The following HPSE2 variants were observed in gnomAD, a reference collection of about 807,000 sequenced individuals.
HPSE2 encodes the protein inactive heparanase-2.
A neutral mutation model predicts 60.5 loss-of-function variants in HPSE2; 38 were observed. The ratio of observed to expected loss-of-function variants is 0.63; its 90% CI spans 0.48 to 0.82. The LOEUF (loss-of-function observed/expected upper bound fraction) is 0.82. Ranked by LOEUF, HPSE2 falls within the 40% of genes least tolerant of loss-of-function variation. The pLI is 0.00. For synonymous variants in HPSE2, 295 were observed against 293.2 expected (o/e 1.01, Z -0.06); for missense variants, 713 against 740.4 (o/e 0.96, Z 0.43).
the HPSE2 span, among the ~76,000 whole-genome samples, chr10:99,311,080 C>T: frequency 6.6e-6 from 1 of 152,092 alleles, no homozygotes; most frequent in South Asian, 2.1e-4. Context: ...TCATAATTCT[C>T]TGATACAAAA....
At chr10:98,779,393 G>A (rs7081116) in intron 3 of HPSE2, among the ~76,000 whole-genome samples, 107,653 of 152,026 alleles carry the variant, frequency 0.71, 39,152 homozygotes, top group Non-Finnish European at 0.81. Flanking sequence ...CTAGAGAAAG[G>A]ACCCCTCCCA....
At chr10:99,194,576 C>T (rs1848329091) in intron 2 of HPSE2, among the ~76,000 whole-genome samples, 1 of 149,462 alleles carries the variant, frequency 6.7e-6, no homozygotes, top group Admixed American at 6.6e-5. Flanking sequence ...GAAGACATTA[C>T]AACTGATATT....
At chr10:98,486,991 G>A (rs1464717545) in intron 10 of HPSE2, among the ~76,000 whole-genome samples, 1 of 152,046 alleles carries the variant, frequency 6.6e-6, no homozygotes, top group Non-Finnish European at 1.5e-5. Context: ...AACTTCTTCT[G>A]AAAAACAGGA....
At chr10:98,878,967 T>G (rs188754200) in intron 3 of HPSE2, among the ~76,000 whole-genome samples, 1 of 152,134 alleles carries the variant, frequency 6.6e-6, no homozygotes, top group East Asian at 1.9e-4. Context: ...AAGTCAAGAA[T>G]GACTTCACTG....
At chr10:98,659,449 C>T (rs535562) in intron 6 of HPSE2, among the ~76,000 whole-genome samples, 30,312 of 152,146 alleles carry the variant, frequency 0.2, 3,358 homozygotes, top group East Asian at 0.34. Context: ...GACTGGCTTC[C>T]TTCACTTAAT....
the HPSE2 span, among the ~76,000 whole-genome samples, chr10:99,278,104 A>C: frequency 6.6e-6 from 1 of 152,018 alleles, no homozygotes; most frequent in East Asian, 1.9e-4. Context: ...AAAAAAAAAA[A>C]AAAAAACTGA....
chr10:98,753,385 T>C (rs1049986690), intron 3 of HPSE2, among the ~76,000 whole-genome samples: 5 of 152,042 alleles, frequency 3.3e-5, no homozygotes, highest in African/African-American at 1.2e-4. Flanking sequence ...TGATTCACAA[T>C]TTCACTCCTA....
intron 3 of HPSE2, among the ~76,000 whole-genome samples, chr10:98,829,314 G>A (rs1215699375): frequency 6.6e-6 from 1 of 152,114 alleles, no homozygotes; most frequent in East Asian, 1.9e-4. Flanking sequence ...TGGATCACGA[G>A]GTCAGGAGTT....
At chr10:98,630,237 A>G (rs1475929947) in intron 7 of HPSE2, among the ~76,000 whole-genome samples, 8 of 141,014 alleles carry the variant, frequency 5.7e-5, no homozygotes, top group Admixed American at 1.5e-4. Flanking sequence ...TCGCTCTGTC[A>G]CCCAGGCTGG....
the HPSE2 span, among the ~76,000 whole-genome samples, chr10:99,298,828 C>A: frequency 6.6e-6 from 1 of 152,114 alleles, no homozygotes; most frequent in South Asian, 2.1e-4. Context: ...GCATGTGCCA[C>A]CATGCCCAGC....
intron 6 of HPSE2, among the ~76,000 whole-genome samples, chr10:98,680,356 T>C (rs1200429203): frequency 6.6e-6 from 1 of 152,218 alleles, no homozygotes; most frequent in Non-Finnish European, 1.5e-5. Flanking sequence ...AGATCATTTA[T>C]GTGAATGCTT....
chr10:98,852,993 G>C (rs7071748), intron 3 of HPSE2, among the ~76,000 whole-genome samples: 21,555 of 152,156 alleles, frequency 0.14, 2,149 homozygotes, highest in African/African-American at 0.27. Flanking sequence ...GGCCCTCTTT[G>C]GGGCCTTATG....
At chr10:98,648,855 C>A (rs745562538) in intron 6 of HPSE2, among the ~76,000 whole-genome samples, 23 of 152,208 alleles carry the variant, frequency 1.5e-4, no homozygotes, top group Non-Finnish European at 3.2e-4. Context: ...CTTAGAGAAT[C>A]AAGTTCCTTT....
intron 3 of HPSE2, among the ~76,000 whole-genome samples, chr10:98,816,349 G>A (rs1224141807): frequency 1.3e-5 from 2 of 151,946 alleles, no homozygotes; most frequent in East Asian, 1.9e-4. Flanking sequence ...CTGGGAGTGT[G>A]GGCTGCAAAA....
chr10:99,191,778 T>C (rs758791463), intron 2 of HPSE2, among the ~76,000 whole-genome samples: 1 of 152,022 alleles, frequency 6.6e-6, no homozygotes, highest in Admixed American at 6.6e-5. Flanking sequence ...CCAAAAGAAC[T>C]AAATAGGCCA....
At chr10:98,617,881 T>C (rs1054200965) in intron 8 of HPSE2, among the ~76,000 whole-genome samples, 1 of 152,142 alleles carries the variant, frequency 6.6e-6, no homozygotes, top group Non-Finnish European at 1.5e-5. Context: ...TTTTGAACAC[T>C]CGGTAGCAGA....
At chr10:98,886,990 CTT>C (rs1275502512) in intron 3 of HPSE2, among the ~76,000 whole-genome samples, 1 of 152,096 alleles carries the variant, frequency 6.6e-6, no homozygotes, top group Non-Finnish European at 1.5e-5. Context: ...GCAAAGCAGA[CTT>C]AATGGTTTTG....
At chr10:98,678,800 C>A (rs1003121082) in intron 6 of HPSE2, among the ~76,000 whole-genome samples, 3 of 151,376 alleles carry the variant, frequency 2.0e-5, no homozygotes, top group Non-Finnish European at 4.4e-5. Flanking sequence ...TTGTAATTTG[C>A]CTTATTAAAA....
chr10:98,921,186 C>G (rs1343871087), intron 3 of HPSE2, among the ~76,000 whole-genome samples: 1 of 152,094 alleles, frequency 6.6e-6, no homozygotes, highest in Non-Finnish European at 1.5e-5. Context: ...GTTGTTAGGA[C>G]TAAATGGGCC....
Sources: gnomAD v4.1 joint callset for allele counts (sites outside exome capture counted in the v4.1 genomes callset) on GRCh38, gnomAD v4.1.1 for gene constraint, MANE v1.5 for transcripts, NCBI Gene and HGNC (gene_info 2026-07-23, HGNC 2026-07-21) for gene names.